MLIP: variants seen among roughly 807,000 people sequenced by gnomAD.
The protein encoded by MLIP is muscular LMNA interacting protein, also known as muscular LMNA-interacting protein.
In MLIP, 79 loss-of-function variants were observed where a neutral mutation model predicts 84.8. The ratio of observed to expected loss-of-function variants is 0.93; its 90% CI spans 0.78 to 1.12. MLIP has a LOEUF of 1.12. Among genes scored for constraint, MLIP ranks in the 50% most tolerant of loss-of-function variants. The pLI, the probability that MLIP is intolerant of heterozygous loss-of-function variation, is 0.00. For missense variants in MLIP, 1,257 were observed against 1,160.6 expected, an observed-to-expected ratio of 1.08 and a Z score of -1.21; for synonymous variants, 504 against 463.0, an observed-to-expected ratio of 1.09 and a Z score of -1.14.
intron 1 of MLIP, among the ~76,000 whole-genome samples, chr6:54,028,523 G>A (rs1272116685): frequency 6.6e-6 from 1 of 152,122 alleles, no homozygotes; most frequent in African/African-American, 2.4e-5. Flanking sequence ...ACAGAGAGTG[G>A]GGCATTAACT....
chr6:54,122,564 T>C (rs1486353526), intron 2 of MLIP, among the ~76,000 whole-genome samples: 1 of 152,222 alleles, frequency 6.6e-6, no homozygotes, highest in Non-Finnish European at 1.5e-5. Context: ...CAGATTCACC[T>C]TGTCTACAAG....
At chr6:54,089,846 C>T (rs1767743812) in intron 1 of MLIP, among the ~76,000 whole-genome samples, 1 of 152,108 alleles carries the variant, frequency 6.6e-6, no homozygotes, top group Non-Finnish European at 1.5e-5. Flanking sequence ...ATTAGGCCAT[C>T]AATATATTCT....
chr6:54,101,409 T>G (rs1446966241), intron 1 of MLIP, among the ~76,000 whole-genome samples: 1 of 128,434 alleles, frequency 7.8e-6, no homozygotes, highest in African/African-American at 3.1e-5. Context: ...AGGGCTCTTA[T>G]ATGTCACTTA....
In MLIP at chr6:54,137,783, G is replaced by A. The variant is rs1771945243; in HGVS notation, c.1714G>A (p.Gly572Ser). ...GAGTAAACAGGATGGTGACCTCAGG[G>A]GTCCAGAAAACCCCAGAAACATTCA... Reference protein sequence around the residue: ...LKSKQDGDLRGPENPRNIHTY... With the variant: ...LKSKQDGDLRSPENPRNIHTY... The change falls in exon 4 of 14, where the codon GGT (glycine) becomes AGT (serine). Residue 572 changes from glycine (G) to serine (S), a missense_variant. Physicochemically the swap from Gly to Ser is moderately conservative, Grantham distance 56. Transcript: ENST00000502396. The A allele has an allele frequency of 1.3e-6, 2 of 1,535,922 alleles. No individual in the cohort carries two copies. Among genetic ancestry groups the A allele is most frequent in the African/African-American group, 2.7e-5 (2 of 73,072 alleles).
intron 11 of MLIP, among the ~76,000 whole-genome samples, chr6:54,213,456 C>T (rs540516727): frequency 2.4e-4 from 36 of 152,070 alleles, no homozygotes; most frequent in Non-Finnish European, 4.1e-4. Flanking sequence ...AATCCCAGCA[C>T]TTTGGGAGGC....
At chr6:54,183,206 T>C (rs1562027865) in intron 9 of MLIP, among the ~76,000 whole-genome samples, 1 of 152,180 alleles carries the variant, frequency 6.6e-6, no homozygotes, top group African/African-American at 2.4e-5. Flanking sequence ...TGTGCAATAA[T>C]GCAGTCATAG....
chr6:54,216,954 A>G, intron 11 of MLIP: 9 of 985,434 alleles, frequency 9.1e-6, no homozygotes, highest in Non-Finnish European at 1.1e-5. Flanking sequence ...TCATGATTTT[A>G]TTAGCAAGGT....
At chr6:54,119,505 G>A (rs1179907854) in intron 1 of MLIP, among the ~76,000 whole-genome samples, 3 of 152,248 alleles carry the variant, frequency 2.0e-5, no homozygotes, top group South Asian at 2.1e-4. Flanking sequence ...TAGAAGTAAC[G>A]AGTAAAATAG....
At chr6:54,231,808 G>C (rs181179893) in intron 12 of MLIP, among the ~76,000 whole-genome samples, 25 of 152,206 alleles carry the variant, frequency 1.6e-4, no homozygotes, top group African/African-American at 5.8e-4. Flanking sequence ...TCATCTTCCA[G>C]AATGTAGTTG....
At chr6:54,231,887 A>G (rs1167068270) in intron 12 of MLIP, among the ~76,000 whole-genome samples, 2 of 152,182 alleles carry the variant, frequency 1.3e-5, no homozygotes, top group East Asian at 3.8e-4. Context: ...CTAAATGCAA[A>G]CAGTCATCTA....
chr6:54,150,766 A>G (rs894663155), intron 5 of MLIP, among the ~76,000 whole-genome samples: 3 of 152,142 alleles, frequency 2.0e-5, no homozygotes, highest in Admixed American at 1.3e-4. Flanking sequence ...GTCTGTTAGG[A>G]TTGTTTCCAG....
At position 54,138,305 on chromosome 6, in the gene MLIP, A is replaced by G. The variant is rs184994440; in HGVS notation, c.2217+19A>G. 92 of 1,529,180 alleles carry G rather than the reference A, an allele frequency of 6.0e-5. No individual in the cohort carries two copies. The highest frequency in any genetic ancestry group is 3.8e-4 in the African/African-American group (28 of 72,966). 94.7% of individuals were successfully genotyped at this position (1,529,180 alleles called of 1,614,324 possible). Reference sequence around the variant, plus strand: ...ATCAAAGGTATTTTTTGCATGTTGCATGGTGCATGCTTATTTTGAAACAGG... The same window carrying G: ...ATCAAAGGTATTTTTTGCATGTTGCGTGGTGCATGCTTATTTTGAAACAGG... On this transcript the variant is annotated intron_variant, in intron 4 of 13. Coordinates refer to ENST00000502396, the MANE Select transcript of MLIP (RefSeq NM_001281747.2).
chr6:54,127,421 G>T (rs1004262094), intron 3 of MLIP, among the ~76,000 whole-genome samples: 7 of 152,118 alleles, frequency 4.6e-5, no homozygotes, highest in African/African-American at 1.7e-4. Flanking sequence ...ATATTCAAAA[G>T]ATTGCATATC....
intron 11 of MLIP, among the ~76,000 whole-genome samples, chr6:54,224,964 A>G (rs1253915633): frequency 6.6e-6 from 1 of 152,148 alleles, no homozygotes; most frequent in Non-Finnish European, 1.5e-5. Context: ...GTGTATATAT[A>G]CCACAGTTTC....
chr6:54,045,132 T>C (rs1489516722), intron 1 of MLIP, among the ~76,000 whole-genome samples: 1 of 151,972 alleles, frequency 6.6e-6, no homozygotes, highest in East Asian at 1.9e-4. Flanking sequence ...GCAGTTCACT[T>C]GAGGTGAGGG....
At chr6:54,035,454 G>T (rs1764374311) in intron 1 of MLIP, among the ~76,000 whole-genome samples, 1 of 152,052 alleles carries the variant, frequency 6.6e-6, no homozygotes, top group Admixed American at 6.6e-5. Flanking sequence ...GTAAAAATGG[G>T]TTTTCATTTC....
intron 1 of MLIP, among the ~76,000 whole-genome samples, chr6:54,039,121 A>G (rs1216579016): frequency 1.3e-5 from 2 of 151,982 alleles, no homozygotes; most frequent in East Asian, 3.9e-4. Context: ...ACACTAATGA[A>G]AGGTATGAGC....
At chr6:54,246,758 G>A (rs113813602) in intron 12 of MLIP, among the ~76,000 whole-genome samples, 1,989 of 152,000 alleles carry the variant, frequency 0.013, 33 homozygotes, top group African/African-American at 0.044. Context: ...CTTAACTTAA[G>A]GTCTGTATTC....
At position 54,121,440 on chromosome 6, in the gene MLIP, C is replaced by G. The variant is rs1389242257; in HGVS notation, c.97-7C>G. 6.2e-7 allele frequency: 1 copy of G among 1,613,650 alleles called. No homozygotes were observed. The highest frequency in any genetic ancestry group is 2.2e-5 in the East Asian group (1 of 44,860). ...GCTGAAAGTCTAATTAACTACATGT[C>G]TCATAGGTCTCTGCTGGTGGTTCTG... is the stretch of plus-strand genomic sequence containing the variant. On this transcript the variant is annotated splice_polypyrimidine_tract_variant and splice_region_variant and intron_variant, in intron 1 of 13. Transcript: ENST00000502396.
Sources: allele counts gnomAD v4.1 joint callset (sites outside exome capture counted in the v4.1 genomes callset), GRCh38; gene constraint gnomAD v4.1.1; transcripts MANE v1.5; gene names NCBI Gene and HGNC (gene_info 2026-07-23, HGNC 2026-07-21).